Variants in PIK3C2G observed in about 807,000 individuals in gnomAD.
PIK3C2G encodes phosphatidylinositol-4-phosphate 3-kinase catalytic subunit type 2 gamma.
In PIK3C2G, 168 loss-of-function variants were observed where a neutral mutation model predicts 181.1. That is an observed-to-expected ratio of 0.93 (90% CI 0.82 to 1.05). The LOEUF (loss-of-function observed/expected upper bound fraction) is 1.05. Ranked by LOEUF, PIK3C2G falls within the 50% of genes least tolerant of loss-of-function variation. The probability of loss-of-function intolerance (pLI) is 0.00; values close to 1 mark genes in which losing one functional copy is unlikely to be tolerated. For missense variants in PIK3C2G, 1,869 were observed against 1,732.8 expected (o/e 1.08, Z -1.40); for synonymous variants, 573 against 592.2 (o/e 0.97, Z 0.47).
Position 18,362,900 on chromosome 12 carries a change from T to G in PIK3C2G, c.1748+14T>G. 6.8e-7 allele frequency: 1 copy of G among 1,477,388 alleles called. No individual in the cohort carries two copies. The highest frequency in any genetic ancestry group is 2.5e-5 in the East Asian group (1 of 40,052). The allele number at this position is 1,477,388 out of a possible 1,614,324, so 91.5% of individuals were successfully genotyped here. Reference sequence around the variant, plus strand: ...CTGGAATGAAACGTAAGTTTAATCTTTACTGTATCTGGATCATTTATGTAA... The same window carrying G: ...CTGGAATGAAACGTAAGTTTAATCTGTACTGTATCTGGATCATTTATGTAA... On this transcript the variant is annotated intron_variant, in intron 12 of 32. Coordinates refer to ENST00000538779, the MANE Select transcript of PIK3C2G (RefSeq NM_001288772.2).
At chr12:18,366,875 T>C (rs1941683510) in intron 12 of PIK3C2G, among the ~76,000 whole-genome samples, 1 of 152,288 alleles carries the variant, frequency 6.6e-6, no homozygotes, top group Non-Finnish European at 1.5e-5. Flanking sequence ...GTTGAGATTA[T>C]TCTGGCTTTA....
chr12:18,268,557 A>C (rs1308109601), intron 1 of PIK3C2G, among the ~76,000 whole-genome samples: 1 of 152,088 alleles, frequency 6.6e-6, no homozygotes, highest in Non-Finnish European at 1.5e-5. Context: ...CAGCCTTCCC[A>C]TACTAATTCA....
chr12:18,543,879 A>G (rs1944293454), intron 25 of PIK3C2G, among the ~76,000 whole-genome samples: 1 of 151,890 alleles, frequency 6.6e-6, no homozygotes, highest in South Asian at 2.1e-4. Flanking sequence ...GTGCTGTGCA[A>G]TGTACACAAT....
intron 15 of PIK3C2G, among the ~76,000 whole-genome samples, chr12:18,392,662 T>C (rs997949839): frequency 1.3e-5 from 2 of 152,118 alleles, no homozygotes; most frequent in Non-Finnish European, 2.9e-5. Flanking sequence ...TTACCTTTTA[T>C]GTTATAACAC....
intron 11 of PIK3C2G, among the ~76,000 whole-genome samples, chr12:18,360,086 G>A (rs1449234558): frequency 6.6e-6 from 1 of 151,680 alleles, no homozygotes; most frequent in East Asian, 1.9e-4. Context: ...ATTTTTGTGG[G>A]GGAGGTAGTG....
At chr12:18,466,395 T>C (rs1472139879) in intron 18 of PIK3C2G, among the ~76,000 whole-genome samples, 1 of 148,166 alleles carries the variant, frequency 6.7e-6, no homozygotes, top group Non-Finnish European at 1.5e-5. Context: ...ACATTCTATA[T>C]TGAAATACTC....
chr12:18,641,290 C>T (rs1159637257), intron 32 of PIK3C2G, among the ~76,000 whole-genome samples: 1 of 152,168 alleles, frequency 6.6e-6, no homozygotes, highest in Non-Finnish European at 1.5e-5. Flanking sequence ...TCATCTCTCC[C>T]TTTCACCCTT....
chr12:18,620,533 G>C (rs1488799945), intron 31 of PIK3C2G, among the ~76,000 whole-genome samples: 2 of 131,302 alleles, frequency 1.5e-5, no homozygotes, highest in Non-Finnish European at 3.1e-5. Flanking sequence ...CAGACAGATA[G>C]ATAGATAGAT....
intron 16 of PIK3C2G, among the ~76,000 whole-genome samples, chr12:18,420,263 T>C (rs1945404494): frequency 6.6e-6 from 1 of 152,108 alleles, no homozygotes; most frequent in African/African-American, 2.4e-5. Flanking sequence ...AGATGACAAT[T>C]TGAGGAATCC....
chr12:18,436,626 A>G (rs1050923144), intron 18 of PIK3C2G, among the ~76,000 whole-genome samples: 1 of 151,950 alleles, frequency 6.6e-6, no homozygotes, highest in African/African-American at 2.4e-5. Flanking sequence ...ATCACACCAC[A>G]TACATGTGTA....
At chr12:18,464,200 G>A (rs141064890) in intron 18 of PIK3C2G, among the ~76,000 whole-genome samples, 16 of 152,158 alleles carry the variant, frequency 1.1e-4, no homozygotes, top group East Asian at 9.7e-4. Flanking sequence ...CAAGATCAAC[G>A]CTAGCAGATT....
chr12:18,594,442 CA>C (rs1947246007), intron 29 of PIK3C2G, 51 bp from the exon 30 acceptor site: 1 of 1,000,218 alleles, frequency 1.0e-6, no homozygotes, highest in South Asian at 1.6e-5. Context: ...TAATGAATAG[CA>C]GTAACAAATA....
At chr12:18,259,035 T>C (rs1450853510), upstream of PIK3C2G, among the ~76,000 whole-genome samples, 1 of 152,126 alleles carries the variant, frequency 6.6e-6, no homozygotes, top group Non-Finnish European at 1.5e-5. Context: ...AATATTCAAG[T>C]AGCTGCATTA....
the PIK3C2G span, among the ~76,000 whole-genome samples, chr12:18,670,971 A>G: frequency 6.6e-6 from 1 of 152,126 alleles, no homozygotes; most frequent in Non-Finnish European, 1.5e-5. Flanking sequence ...TCATGAGGTC[A>G]GGAGTTAGAG....
At chr12:18,721,160 T>A in the PIK3C2G span, among the ~76,000 whole-genome samples, 1 of 152,086 alleles carries the variant, frequency 6.6e-6, no homozygotes, top group Admixed American at 6.6e-5. Flanking sequence ...AACTACTGAA[T>A]AATTAAATAA....
chr12:18,620,527 CAGATAGATAGAT>C (rs72448986), intron 31 of PIK3C2G, among the ~76,000 whole-genome samples: 7,557 of 148,126 alleles, frequency 0.051, 623 homozygotes, highest in African/African-American at 0.18. Flanking sequence ...ATTAGACAGA[CAGATAGATAGAT>C]AGATAGATAG....
the PIK3C2G span, among the ~76,000 whole-genome samples, chr12:18,700,538 A>AAAGG: frequency 2.9e-5 from 4 of 135,914 alleles, no homozygotes; most frequent in African/African-American, 5.4e-5. Flanking sequence ...AAAAAAAAAT[A>AAAGG]GTTGCTCTGC....
chr12:18,643,271 A>C (rs1182884834), intron 32 of PIK3C2G, among the ~76,000 whole-genome samples: 1 of 152,136 alleles, frequency 6.6e-6, no homozygotes, highest in African/African-American at 2.4e-5. Context: ...ACTCACTACA[A>C]ATCTTTCTCA....
the PIK3C2G span, chr12:18,723,432 T>C: frequency 6.2e-7 from 1 of 1,613,094 alleles, no homozygotes; most frequent in Non-Finnish European, 8.5e-7. Context: ...TTTTCCGGTT[T>C]TCAGAATATG....
Sources: gnomAD v4.1 joint callset for allele counts (sites outside exome capture counted in the v4.1 genomes callset) on GRCh38, gnomAD v4.1.1 for gene constraint, MANE v1.5 for transcripts, NCBI Gene and HGNC (gene_info 2026-07-23, HGNC 2026-07-21) for gene names.